Variants in PHACTR3 observed in about 807,000 individuals in gnomAD.
PHACTR3 encodes protein phosphatase 1, regulatory subunit 123.
A neutral mutation model predicts 66.8 loss-of-function variants in PHACTR3; 16 were observed. The ratio of observed to expected loss-of-function variants is 0.24; its 90% CI spans 0.16 to 0.36. The LOEUF is 0.36. Among genes scored for constraint, PHACTR3 ranks in the 10% least tolerant of loss-of-function variants. The pLI, the probability that PHACTR3 is intolerant of heterozygous loss-of-function variation, is 1.00. For synonymous variants in PHACTR3, 323 were observed against 292.1 expected (o/e 1.11, Z -1.08); for missense variants, 647 against 719.9 (o/e 0.90, Z 1.16).
intron 1 of PHACTR3, among the ~76,000 whole-genome samples, chr20:59,691,838 C>T (rs2037118336): frequency 6.6e-6 from 1 of 152,252 alleles, no homozygotes; most frequent in African/African-American, 2.4e-5. Flanking sequence ...ACCAGGGAAT[C>T]CCCAACCCTG....
Position 59,755,259 on chromosome 20 carries a change from A to T in PHACTR3, c.436A>T (p.Thr146Ser). ...TGAACCACCCACTCCCAAGTCGGAGACGCTGACTTCAGAAGATGCCCAGCC... is the reference window on the plus strand; with the variant it reads ...TGAACCACCCACTCCCAAGTCGGAGTCGCTGACTTCAGAAGATGCCCAGCC... The part of the protein sequence containing the change: ...QSEPPTPKSE[T>S]LTSEDAQPGS... The change falls in exon 4 of 13, where the codon ACG becomes TCG. Residue 146 changes from threonine to serine, a missense_variant. By Grantham distance (58) the Thr-to-Ser change is moderately conservative. Around this residue, in one of 2 missense-constraint regions of PHACTR3, gnomAD observed 577 missense variants for 571.1 expected, o/e 1.01. Transcript: ENST00000371015. The T allele has an allele frequency of 6.2e-7, 1 of 1,613,926 alleles. No individual in the cohort carries two copies. Among genetic ancestry groups the T allele is most frequent in the Non-Finnish European group, 8.5e-7 (1 of 1,180,036 alleles).
intron 2 of PHACTR3, among the ~76,000 whole-genome samples, chr20:59,744,286 G>A (rs562046215): frequency 3.0e-4 from 45 of 152,352 alleles, no homozygotes; most frequent in South Asian, 6.2e-4. Context: ...CCTGGCAGCC[G>A]GGTGTGGTGG....
chr20:59,620,485 T>A (rs931384505), intron 1 of PHACTR3, among the ~76,000 whole-genome samples: 2 of 152,254 alleles, frequency 1.3e-5, no homozygotes, highest in Admixed American at 6.5e-5. Flanking sequence ...AGTGTCTTCA[T>A]AGCCTGATGC....
intron 1 of PHACTR3, among the ~76,000 whole-genome samples, chr20:59,722,937 C>T (rs1327751094): frequency 1.3e-5 from 2 of 152,016 alleles, no homozygotes; most frequent in Non-Finnish European, 2.9e-5. Flanking sequence ...CTGGGAAAGA[C>T]GCCCTGTGGC....
chr20:59,787,704 TAGTC>T (rs1402910305), intron 7 of PHACTR3, among the ~76,000 whole-genome samples: 1 of 152,168 alleles, frequency 6.6e-6, no homozygotes, highest in Non-Finnish European at 1.5e-5. Context: ...TGCCATTCCT[TAGTC>T]AGGCGCCCTG....
In PHACTR3 at chr20:59,639,816, T is replaced by C. The variant is rs551945626; in HGVS notation, c.118+34684T>C. Among the ~76,000 whole-genome samples, 219 of 152,298 alleles carry C rather than the reference T, an allele frequency of 1.4e-3. 1 individual carries two copies. The highest frequency in any genetic ancestry group is 5.1e-3 in the African/African-American group (213 of 41,546). On this transcript the variant is annotated intron_variant, in intron 1 of 12. Transcript: ENST00000371015. ...TCCATTTTACTACCTTCATTTCTTT[T>C]CTCTTAGACTCTTGGAAGAGATGTA...
At chr20:59,633,016 G>A (rs980666992) in intron 1 of PHACTR3, among the ~76,000 whole-genome samples, 3 of 152,194 alleles carry the variant, frequency 2.0e-5, no homozygotes, top group African/African-American at 7.2e-5. Context: ...ATCCTGGGGT[G>A]CACGGGGGCA....
chr20:59,726,270 C>A (rs1328088155), intron 1 of PHACTR3, among the ~76,000 whole-genome samples: 1 of 152,158 alleles, frequency 6.6e-6, no homozygotes, highest in Non-Finnish European at 1.5e-5. Flanking sequence ...TACTGGCCAG[C>A]TTTTTGTTGG....
chr20:59,697,771 G>A (rs79657905), intron 1 of PHACTR3, among the ~76,000 whole-genome samples: 1,800 of 152,212 alleles, frequency 0.012, 26 homozygotes, highest in African/African-American at 0.041. Context: ...CCCAGTCTTG[G>A]GTAGTTCTTT....
At chr20:59,688,469 G>T (rs187764472) in intron 1 of PHACTR3, among the ~76,000 whole-genome samples, 15 of 152,300 alleles carry the variant, frequency 9.8e-5, no homozygotes, top group Admixed American at 6.5e-4. Flanking sequence ...TACTGGGAAA[G>T]CCTAGTCGGC....
intron 1 of PHACTR3, among the ~76,000 whole-genome samples, chr20:59,584,527 A>C (rs35082430): frequency 0.036 from 5,493 of 152,104 alleles, 160 homozygotes; most frequent in Middle Eastern, 0.082. Flanking sequence ...GAGTGTGTGC[A>C]TGCACAAGTG....
intron 10 of PHACTR3, 150 bp from the exon 11 acceptor site, chr20:59,841,245 A>G (rs1300779366): frequency 5.7e-6 from 4 of 704,244 alleles, no homozygotes; most frequent in Non-Finnish European, 9.2e-6. Flanking sequence ...AGCCCTTCAC[A>G]TTAGAGATTG....
At chr20:59,811,056 C>A (rs1468448418) in intron 8 of PHACTR3, among the ~76,000 whole-genome samples, 1 of 152,192 alleles carries the variant, frequency 6.6e-6, no homozygotes, top group African/African-American at 2.4e-5. Flanking sequence ...TTCACAGTAA[C>A]CCAGTAAAGC....
intron 1 of PHACTR3, among the ~76,000 whole-genome samples, chr20:59,605,362 C>T (rs1299759452): frequency 6.6e-6 from 1 of 152,218 alleles, no homozygotes; most frequent in Non-Finnish European, 1.5e-5. Flanking sequence ...TGCAGCTTCC[C>T]CTCCTCTCCG....
At chr20:59,588,599 C>T (rs933274922) in intron 1 of PHACTR3, among the ~76,000 whole-genome samples, 1 of 152,208 alleles carries the variant, frequency 6.6e-6, no homozygotes, top group African/African-American at 2.4e-5. Context: ...AGTCCTGAGG[C>T]CTGTCCCCAT....
At chr20:59,623,783 G>A (rs575206811) in intron 1 of PHACTR3, among the ~76,000 whole-genome samples, 5 of 152,358 alleles carry the variant, frequency 3.3e-5, no homozygotes, top group Non-Finnish European at 7.3e-5. Context: ...CGGCTGGTGC[G>A]TGGGGATGGG....
chr20:59,642,400 A>G (rs1055372238), intron 1 of PHACTR3, among the ~76,000 whole-genome samples: 2 of 151,968 alleles, frequency 1.3e-5, no homozygotes, highest in Admixed American at 6.6e-5. Context: ...CATCAAAAGC[A>G]TTCACAAATC....
intron 1 of PHACTR3, among the ~76,000 whole-genome samples, chr20:59,730,996 A>G (rs1251750710): frequency 6.6e-6 from 1 of 152,166 alleles, no homozygotes; most frequent in Non-Finnish European, 1.5e-5. Flanking sequence ...AAGTCTTCCT[A>G]GCACTTAAAT....
chr20:59,777,243 C>T (rs2146908055), intron 7 of PHACTR3, among the ~76,000 whole-genome samples: 1 of 152,278 alleles, frequency 6.6e-6, no homozygotes, highest in East Asian at 1.9e-4. Context: ...TGGATGATCT[C>T]CTCATCTAGA....
Sources: gnomAD v4.1 joint callset for allele counts (sites outside exome capture counted in the v4.1 genomes callset) on GRCh38, gnomAD v4.1.1 for gene constraint, gnomAD v4.1.1 regional missense constraint, MANE v1.5 for transcripts, NCBI Gene and HGNC (gene_info 2026-07-23, HGNC 2026-07-21) for gene names.